The following CTNNA3 variants were observed in gnomAD, a reference collection of about 807,000 sequenced individuals.
CTNNA3 encodes the protein catenin alpha-3.
A neutral mutation model predicts 95.7 loss-of-function variants in CTNNA3; 76 were observed. That is an observed-to-expected ratio of 0.79 (90% confidence interval 0.66 to 0.96). The LOEUF is 0.96. CTNNA3 is among the 40% of genes least tolerant of loss of function. The pLI, the probability that CTNNA3 is intolerant of heterozygous loss-of-function variation, is 0.00. For synonymous variants in CTNNA3, 431 were observed against 374.4 expected (o/e 1.15, Z -1.74); for missense variants, 1,191 against 1,089.8 (o/e 1.09, Z -1.31).
At chr10:66,322,235 G>A (rs2092198332) in intron 12 of CTNNA3, among the ~76,000 whole-genome samples, 1 of 152,090 alleles carries the variant, frequency 6.6e-6, no homozygotes, top group African/African-American at 2.4e-5. Context: ...AGATCAGCCT[G>A]CCAGCCATAA....
At chr10:67,274,918 C>G (rs1839132102) in intron 5 of CTNNA3, among the ~76,000 whole-genome samples, 1 of 152,080 alleles carries the variant, frequency 6.6e-6, no homozygotes, top group Admixed American at 6.6e-5. Context: ...AATATAGAAT[C>G]ATTAGATATA....
At chr10:67,474,490 A>C (rs1847934125) in intron 5 of CTNNA3, among the ~76,000 whole-genome samples, 1 of 151,916 alleles carries the variant, frequency 6.6e-6, no homozygotes. Context: ...TTTATCTTAG[A>C]CTCCTAGCCT....
At chr10:67,052,717 T>C (rs1408779781) in intron 7 of CTNNA3, 1 of 152,144 alleles carries the variant, frequency 6.6e-6, no homozygotes, top group East Asian at 1.9e-4. Flanking sequence ...TTTTACATAA[T>C]GGTACATCCT....
intron 16 of CTNNA3, among the ~76,000 whole-genome samples, chr10:65,980,605 C>T (rs564653476): frequency 8.6e-4 from 130 of 150,850 alleles, no homozygotes; most frequent in African/African-American, 3.1e-3. Flanking sequence ...AAAATTCTAG[C>T]TAACTAAATT....
chr10:67,711,950 T>A (rs1841112783), intron 1 of CTNNA3, among the ~76,000 whole-genome samples: 1 of 152,134 alleles, frequency 6.6e-6, no homozygotes, highest in African/African-American at 2.4e-5. Context: ...TCCAAACTAG[T>A]TCAACCATTG....
At chr10:66,225,579 C>T (rs1346450593) in intron 13 of CTNNA3, among the ~76,000 whole-genome samples, 2 of 150,916 alleles carry the variant, frequency 1.3e-5, no homozygotes, top group Admixed American at 1.3e-4. Context: ...ACTTTATTTC[C>T]TTTGGGTAAA....
Position 67,234,837 on chromosome 10 carries a change from A to G in CTNNA3, c.580-14967T>C, listed in dbSNP as rs1314217789. On this transcript the variant is annotated intron_variant, in intron 5 of 17. Transcript: ENST00000433211. ...AAATCTCAGGATACAAAATCAATGT[A>G]CAAAAATCACAAGCATTCTTATACA... 2.6e-5 allele frequency among the ~76,000 whole-genome samples: 4 copies of G among 151,118 alleles called. No individual in the cohort carries two copies. In the East Asian group the frequency reaches 7.8e-4, roughly 29 times the overall value.
chr10:66,216,524 A>C (rs1257832400), intron 13 of CTNNA3, among the ~76,000 whole-genome samples: 1 of 152,182 alleles, frequency 6.6e-6, no homozygotes, highest in East Asian at 1.9e-4. Flanking sequence ...GAACAGCATA[A>C]AAGGTTTTTG....
rs547225076 is a variant in CTNNA3, at chr10:67,522,217, T to G, written c.460-256A>C. On this transcript the variant is annotated intron_variant, in intron 4 of 17. Coordinates refer to ENST00000433211, the MANE Select transcript of CTNNA3 (RefSeq NM_013266.4). ...TCCTCATTCTAACAAAAGAGCATAC[T>G]TCATTTAAAAAAAATAAAAAAGAAA... Among the ~76,000 whole-genome samples, 4 of 152,292 alleles carry G rather than the reference T, an allele frequency of 2.6e-5. No individual in the cohort carries two copies. The South Asian group carries it at 8.3e-4, about 32-fold the overall frequency.
intron 3 of CTNNA3, among the ~76,000 whole-genome samples, chr10:67,543,049 A>G (rs916857312): frequency 6.6e-6 from 1 of 152,092 alleles, no homozygotes; most frequent in Non-Finnish European, 1.5e-5. Context: ...AATAAAAATA[A>G]CTACATTTTT....
At chr10:66,105,800 G>C (rs573885552) in intron 13 of CTNNA3, among the ~76,000 whole-genome samples, 1 of 152,272 alleles carries the variant, frequency 6.6e-6, no homozygotes, top group South Asian at 2.1e-4. Flanking sequence ...ATTCTGTAAG[G>C]CATGGTGTTG....
chr10:67,114,371 C>T (rs1480364301), intron 7 of CTNNA3, among the ~76,000 whole-genome samples: 1 of 151,968 alleles, frequency 6.6e-6, no homozygotes, highest in African/African-American at 2.4e-5. Context: ...AATGTAAAAA[C>T]AGAGATGTCT....
chr10:67,327,685 C>A (rs1341735447), intron 5 of CTNNA3, among the ~76,000 whole-genome samples: 1 of 152,202 alleles, frequency 6.6e-6, no homozygotes, highest in Non-Finnish European at 1.5e-5. Flanking sequence ...TTTCAGAGTG[C>A]GATGACAGTG....
At chr10:67,503,967 C>T (rs536088297) in intron 5 of CTNNA3, among the ~76,000 whole-genome samples, 3 of 151,876 alleles carry the variant, frequency 2.0e-5, no homozygotes, top group South Asian at 4.2e-4. Context: ...ACCATCCTGG[C>T]TAACATGGTG....
At chr10:66,840,412 C>A (rs989761508) in intron 7 of CTNNA3, among the ~76,000 whole-genome samples, 1 of 144,072 alleles carries the variant, frequency 6.9e-6, no homozygotes, top group Non-Finnish European at 1.5e-5. Context: ...ACACACACAC[C>A]CCTCGGTATA....
At chr10:67,021,336 A>C (rs1332941357) in intron 7 of CTNNA3, among the ~76,000 whole-genome samples, 1 of 152,158 alleles carries the variant, frequency 6.6e-6, no homozygotes, top group Non-Finnish European at 1.5e-5. Context: ...AAATGTAAGA[A>C]GCACTTGTAT....
chr10:66,187,313 T>C (rs2086397327), intron 13 of CTNNA3, among the ~76,000 whole-genome samples: 1 of 151,266 alleles, frequency 6.6e-6, no homozygotes, highest in African/African-American at 2.4e-5. Flanking sequence ...TGACAGCAGT[T>C]AGGAAAAAAC....
chr10:66,671,824 C>T (rs893759686), intron 9 of CTNNA3, among the ~76,000 whole-genome samples: 1 of 152,030 alleles, frequency 6.6e-6, no homozygotes, highest in South Asian at 2.1e-4. Context: ...TTCTGTAAAA[C>T]GGGGATAAGA....
At chr10:66,402,700 T>C (rs1459466403) in intron 11 of CTNNA3, among the ~76,000 whole-genome samples, 1 of 152,138 alleles carries the variant, frequency 6.6e-6, no homozygotes, top group Non-Finnish European at 1.5e-5. Flanking sequence ...AGGAACTTGT[T>C]AAACAAGAAG....
Sources: gnomAD v4.1 joint callset for allele counts (sites outside exome capture counted in the v4.1 genomes callset) on GRCh38, gnomAD v4.1.1 for gene constraint, MANE v1.5 for transcripts, NCBI Gene and HGNC (gene_info 2026-07-23, HGNC 2026-07-21) for gene names.